Variants in CPS1 observed in about 807,000 individuals in gnomAD.
CPS1 encodes the protein carbamoyl-phosphate synthase 1, also known as carbamoyl-phosphate synthase [ammonia], mitochondrial.
CPS1 carries 109 observed loss-of-function variants against 174.6 expected under a neutral mutation model. The observed-to-expected ratio is 0.62, with a 90% CI of 0.53 to 0.73. The LOEUF (loss-of-function observed/expected upper bound fraction) is 0.73. Ranked by LOEUF, CPS1 falls within the 30% of genes least tolerant of loss-of-function variation. The pLI is 0.00. For missense variants in CPS1, 1,689 were observed against 1,821.9 expected (o/e 0.93, Z 1.33); for synonymous variants, 637 against 632.0 (o/e 1.01, Z -0.12).
rs1458855196 is a variant in CPS1 at position 210,512,978 on chromosome 2, A to ATC, written c.3+35213_3+35214insCT. Among the ~76,000 whole-genome samples, 76 of 28,894 alleles carry ATC rather than the reference A, an allele frequency of 2.6e-3. 16 individuals are homozygous for ATC. Among genetic ancestry groups the ATC allele is most frequent in the Middle Eastern group, 0.033 (1 of 30 alleles). 19.0% of individuals were successfully genotyped at this position (28,894 alleles called of 152,430 possible). Reference sequence around the variant, plus strand: ...GAGATATATATATGGAGATATATATATATGGAGAGATATATATATGGAGAT... The same window carrying ATC: ...GAGATATATATATGGAGATATATATATCTATGGAGAGATATATATATGGAGAT... On this transcript the variant is annotated intron_variant, in intron 1 of 38. Transcript: ENST00000430249.
chr2:210,601,908 A>C (rs181207848), intron 15 of CPS1, among the ~76,000 whole-genome samples: 4 of 152,046 alleles, frequency 2.6e-5, no homozygotes, highest in African/African-American at 9.6e-5. Context: ...TCTCAAATGA[A>C]TGATGATTAT....
At chr2:210,526,584 C>A (rs1285317018) in intron 1 of CPS1, among the ~76,000 whole-genome samples, 1 of 151,748 alleles carries the variant, frequency 6.6e-6, no homozygotes, top group Non-Finnish European at 1.5e-5. Flanking sequence ...TGGGGCCTGC[C>A]GCATAGTAGA....
intron 1 of CPS1, among the ~76,000 whole-genome samples, chr2:210,517,924 C>T (rs143147193): frequency 1.7e-4 from 26 of 152,018 alleles, no homozygotes; most frequent in Middle Eastern, 3.4e-3. Flanking sequence ...AATTTCATAT[C>T]GTAATTATAT....
intron 34 of CPS1, among the ~76,000 whole-genome samples, chr2:210,668,922 C>A (rs1701196905): frequency 6.6e-6 from 1 of 152,162 alleles, no homozygotes; most frequent in South Asian, 2.1e-4. Context: ...TCAATCACTT[C>A]TAAATGCCAA....
chr2:210,544,068 G>C (rs1303240274), intron 1 of CPS1, among the ~76,000 whole-genome samples: 1 of 152,014 alleles, frequency 6.6e-6, no homozygotes, highest in Non-Finnish European at 1.5e-5. Flanking sequence ...ACTGATTTGC[G>C]CAGTTTTTAG....
intron 1 of CPS1, among the ~76,000 whole-genome samples, chr2:210,525,599 C>G (rs1559062002): frequency 6.6e-6 from 1 of 151,450 alleles, no homozygotes; most frequent in Non-Finnish European, 1.5e-5. Context: ...GCTAAATAAT[C>G]AAATAATTTT....
chr2:210,491,405 C>T (rs1471491442), intron 1 of CPS1, among the ~76,000 whole-genome samples: 2 of 146,290 alleles, frequency 1.4e-5, no homozygotes, highest in Admixed American at 7.1e-5. Flanking sequence ...ACCTCCACCT[C>T]CCGGTTCAAG....
At chr2:210,560,830 T>C (rs950359668) in intron 1 of CPS1, among the ~76,000 whole-genome samples, 1 of 152,178 alleles carries the variant, frequency 6.6e-6, no homozygotes, top group African/African-American at 2.4e-5. Context: ...ACGTTAGATG[T>C]AAGAGTGGGG....
At chr2:210,672,084 C>T (rs1701325294) in intron 34 of CPS1, 1 of 152,104 alleles carries the variant, frequency 6.6e-6, no homozygotes, top group African/African-American at 2.4e-5. Flanking sequence ...GATCCACTCC[C>T]AGAGTTCCTG....
chr2:210,631,892 A>G (rs1334319092), intron 21 of CPS1, among the ~76,000 whole-genome samples: 2 of 152,214 alleles, frequency 1.3e-5, no homozygotes, highest in African/African-American at 4.8e-5. Flanking sequence ...ATCAAAGAAC[A>G]GAAGGATAAT....
chr2:210,505,753 G>C (rs571157620), intron 1 of CPS1, among the ~76,000 whole-genome samples: 1 of 152,312 alleles, frequency 6.6e-6, no homozygotes, highest in South Asian at 2.1e-4. Flanking sequence ...CCCACACCTG[G>C]CACGAAGGGT....
At chr2:210,572,569 T>G (rs1697537004) in intron 1 of CPS1, among the ~76,000 whole-genome samples, 1 of 152,010 alleles carries the variant, frequency 6.6e-6, no homozygotes. Flanking sequence ...AGCTAAGAAT[T>G]TGGTAGACAC....
At chr2:210,631,125 G>C (rs1045636335) in intron 21 of CPS1, 6 of 151,754 alleles carry the variant, frequency 4.0e-5, no homozygotes, top group Non-Finnish European at 7.4e-5. Flanking sequence ...GTGCAATCTG[G>C]AGGGAAATTT....
chr2:210,668,829 C>A (rs2105933980), intron 34 of CPS1, among the ~76,000 whole-genome samples: 1 of 152,222 alleles, frequency 6.6e-6, no homozygotes, highest in Non-Finnish European at 1.5e-5. Flanking sequence ...ATCTCAAATC[C>A]AACGTTTCTC....
At chr2:210,655,501 TGGGGTGGGGTGCCTGAGCTCAGTG>T (rs1171725498) in intron 29 of CPS1, among the ~76,000 whole-genome samples, 2 of 148,892 alleles carry the variant, frequency 1.3e-5, no homozygotes, top group Non-Finnish European at 3.0e-5. Context: ...CTGAGCTCAG[TGGGGTGGGGTGCCTGAGCTCAGTG>T]GGGTGAATGC....
chr2:210,520,187 T>C (rs1695784837), intron 1 of CPS1, among the ~76,000 whole-genome samples: 1 of 152,048 alleles, frequency 6.6e-6, no homozygotes, highest in Admixed American at 6.6e-5. Context: ...ATAATTGACA[T>C]CCAATAAATT....
intron 1 of CPS1, among the ~76,000 whole-genome samples, chr2:210,522,028 A>G (rs188334390): frequency 1.1e-3 from 164 of 152,044 alleles, no homozygotes; most frequent in Non-Finnish European, 1.1e-3. Context: ...ATTATTTCCC[A>G]CTATTGAAGC....
At chr2:210,532,988 A>G (rs1696154053) in intron 1 of CPS1, among the ~76,000 whole-genome samples, 1 of 152,182 alleles carries the variant, frequency 6.6e-6, no homozygotes. Context: ...TAATGTGGGT[A>G]GTGGACAACA....
chr2:210,571,903 GT>G (rs1697509760), intron 1 of CPS1, among the ~76,000 whole-genome samples: 1 of 128,710 alleles, frequency 7.8e-6, no homozygotes, highest in Non-Finnish European at 1.6e-5. Flanking sequence ...GTGTGTGTGT[GT>G]GTGTGTATGT....
Sources: gnomAD v4.1 joint callset for allele counts (sites outside exome capture counted in the v4.1 genomes callset) on GRCh38, gnomAD v4.1.1 for gene constraint, MANE v1.5 for transcripts, NCBI Gene and HGNC (gene_info 2026-07-23, HGNC 2026-07-21) for gene names.